CAP2: variants seen among roughly 807,000 people sequenced by gnomAD.
CAP2 encodes the protein adenylyl cyclase-associated protein 2.
CAP2 carries 24 observed loss-of-function variants against 57.7 expected under a neutral mutation model. The observed-to-expected ratio is 0.42, with a 90% CI of 0.30 to 0.58. CAP2 has a LOEUF of 0.58. Among genes scored for constraint, CAP2 ranks in the 20% least tolerant of loss-of-function variants. CAP2 has a pLI of 0.22. For missense variants in CAP2, 501 were observed against 590.3 expected, an observed-to-expected ratio of 0.85 and a Z score of 1.57; for synonymous variants, 194 against 207.2, an observed-to-expected ratio of 0.94 and a Z score of 0.55.
intron 1 of CAP2, among the ~76,000 whole-genome samples, chr6:17,412,639 T>G (rs939107978): frequency 5.3e-5 from 8 of 152,076 alleles, no homozygotes; most frequent in Non-Finnish European, 1.2e-4. Flanking sequence ...TTCTGAGGGG[T>G]GATACCTCCA....
chr6:17,436,067 A>ATCTTTCTTTCTTTCTT (rs1345218299), intron 3 of CAP2, among the ~76,000 whole-genome samples: 4 of 143,958 alleles, frequency 2.8e-5, no homozygotes, highest in African/African-American at 7.9e-5. Context: ...AAACTAAGGA[A>ATCTTTCTTTCTTTCTT]TCTTTCTTTC....
intron 3 of CAP2, among the ~76,000 whole-genome samples, chr6:17,438,997 G>C (rs993735636): frequency 6.6e-6 from 1 of 150,572 alleles, no homozygotes; most frequent in Admixed American, 6.6e-5. Flanking sequence ...TGTAATCCCA[G>C]CTACTTGGGA....
intron 1 of CAP2, among the ~76,000 whole-genome samples, chr6:17,398,685 C>T (rs1334462285): frequency 5.9e-5 from 9 of 151,830 alleles, no homozygotes; most frequent in East Asian, 1.9e-4. Context: ...CCACCACGCC[C>T]GGCTAATTTT....
chr6:17,548,490 T>C (rs1763103386), intron 11 of CAP2, among the ~76,000 whole-genome samples: 1 of 151,672 alleles, frequency 6.6e-6, no homozygotes, highest in Non-Finnish European at 1.5e-5. Context: ...CAAACAGAAA[T>C]GGGAGATAGT....
chr6:17,541,066 C>G lies in CAP2; in HGVS notation c.920C>G (p.Thr307Ser), dbSNP rs1762886599. The change falls in exon 9 of 13, where the codon ACT becomes AGT. Residue 307 changes from threonine to serine, a missense_variant. Physicochemically the swap from Thr to Ser is moderately conservative, Grantham distance 58. Coordinates refer to ENST00000229922, the MANE Select transcript of CAP2 (RefSeq NM_006366.3). ...ACTCAATCTCCCACCAAAAGTCACACTCCAAGTCCCACATCTCCTAAATCT... is the reference window on the plus strand; with the variant it reads ...ACTCAATCTCCCACCAAAAGTCACAGTCCAAGTCCCACATCTCCTAAATCT... ...GQTQSPTKSH[T>S]PSPTSPKSYP... The G allele has an allele frequency of 1.9e-6, 3 of 1,614,108 alleles. No individual in the cohort carries two copies. In the East Asian group the frequency reaches 6.7e-5, roughly 36 times the overall value.
intron 2 of CAP2, among the ~76,000 whole-genome samples, chr6:17,424,940 A>G (rs1759549298): frequency 6.6e-6 from 1 of 152,174 alleles, no homozygotes; most frequent in African/African-American, 2.4e-5. Flanking sequence ...ACGGATCCAT[A>G]AGGAGCCTTT....
Position 17,529,651 on chromosome 6 carries a change from A to AAAAAAAAAAT in CAP2, c.637-9617_637-9616insAAAAAAAATA, listed in dbSNP as rs10656588. Among the ~76,000 whole-genome samples, 100 of 134,524 alleles carry AAAAAAAAAAT rather than the reference A, an allele frequency of 7.4e-4. 2 individuals are homozygous for AAAAAAAAAAT. The highest frequency in any genetic ancestry group is 5.4e-3 in the South Asian group (23 of 4,238). The allele number at this position is 134,524 out of a possible 152,430, so 88.3% of individuals were successfully genotyped here. A position where few individuals can be genotyped will look rare whatever the true frequency, so the allele number is the denominator to read the frequency against. On this transcript the variant is annotated intron_variant, in intron 7 of 12. Transcript: ENST00000229922. ...GCAAGACTCCGTCTCAAAAAAAAAA[A>AAAAAAAAAAT]ATATATATATATATATATATGTATA...
intron 11 of CAP2, among the ~76,000 whole-genome samples, chr6:17,547,276 G>T (rs1320480227): frequency 6.6e-6 from 1 of 152,088 alleles, no homozygotes; most frequent in Non-Finnish European, 1.5e-5. Context: ...ATGTACTCAT[G>T]TAAACACATA....
chr6:17,461,992 C>CAAAAAAAAAAAAAAAAAAAAAAAAAAA (rs567675285), intron 3 of CAP2, among the ~76,000 whole-genome samples: 4 of 27,858 alleles, frequency 1.4e-4, no homozygotes, highest in Admixed American at 5.5e-4. Context: ...GACTCCGTCT[C>CAAAAAAAAAAAAAAAAAAAAAAAAAAA]AAAAAAAAAA....
chr6:17,493,511 T>C (rs927054065), intron 4 of CAP2: 4 of 246,602 alleles, frequency 1.6e-5, no homozygotes, highest in African/African-American at 9.0e-5. Flanking sequence ...CCAGAGTGAA[T>C]GACTCAGCAC....
chr6:17,534,770 G>A (rs1762733413), intron 7 of CAP2, among the ~76,000 whole-genome samples: 1 of 152,096 alleles, frequency 6.6e-6, no homozygotes, highest in African/African-American at 2.4e-5. Context: ...TAGACAACCT[G>A]GTACATTACC....
intron 4 of CAP2, among the ~76,000 whole-genome samples, chr6:17,484,395 G>A (rs1018697960): frequency 6.6e-6 from 1 of 152,182 alleles, no homozygotes; most frequent in Non-Finnish European, 1.5e-5. Flanking sequence ...AATGACCACA[G>A]GGGTGCCTCT....
intron 7 of CAP2, among the ~76,000 whole-genome samples, chr6:17,538,481 AG>A (rs935920742): frequency 2.6e-5 from 4 of 152,150 alleles, no homozygotes; most frequent in Admixed American, 6.6e-5. Context: ...ACTGAACTAA[AG>A]CAAGTCTCTC....
At chr6:17,472,459 T>A (rs955899773) in intron 4 of CAP2, among the ~76,000 whole-genome samples, 5 of 152,228 alleles carry the variant, frequency 3.3e-5, no homozygotes, top group Non-Finnish European at 7.3e-5. Flanking sequence ...TCAACTAAAA[T>A]ATCTGCTTAA....
intron 9 of CAP2, 63 bp from the exon 10 acceptor site, chr6:17,542,774 A>C: frequency 7.7e-7 from 1 of 1,299,656 alleles, no homozygotes; most frequent in Non-Finnish European, 1.1e-6. Context: ...TACTAATTTC[A>C]GTGTGCAGTG....
At chr6:17,542,628 A>G (rs1323206168) in intron 9 of CAP2, among the ~76,000 whole-genome samples, 1 of 152,212 alleles carries the variant, frequency 6.6e-6, no homozygotes, top group Admixed American at 6.5e-5. Context: ...ATGTTTACAA[A>G]GAGATACTGA....
At chr6:17,417,291 T>C (rs1759306452) in intron 1 of CAP2, among the ~76,000 whole-genome samples, 3 of 150,504 alleles carry the variant, frequency 2.0e-5, no homozygotes, top group South Asian at 2.1e-4. Context: ...TTTTTTTTTT[T>C]CTGAGACAGG....
chr6:17,455,417 C>T (rs544595482), intron 3 of CAP2, among the ~76,000 whole-genome samples: 4 of 152,176 alleles, frequency 2.6e-5, no homozygotes, highest in African/African-American at 9.6e-5. Context: ...AGATACAGAC[C>T]CAGGAAGAAT....
At chr6:17,529,649 A>AAAAAAAAAT (rs1554129492) in intron 7 of CAP2, among the ~76,000 whole-genome samples, 1 of 129,010 alleles carries the variant, frequency 7.8e-6, no homozygotes, top group Non-Finnish European at 1.6e-5. Flanking sequence ...TCAAAAAAAA[A>AAAAAAAAAT]AAATATATAT....
Sources: gnomAD v4.1 joint callset for allele counts (sites outside exome capture counted in the v4.1 genomes callset) on GRCh38, gnomAD v4.1.1 for gene constraint, MANE v1.5 for transcripts, NCBI Gene and HGNC (gene_info 2026-07-23, HGNC 2026-07-21) for gene names.